The following MTMR3 variants were observed in gnomAD, a reference collection of about 807,000 sequenced individuals.
The protein encoded by MTMR3 is myotubularin related protein 3.
A neutral mutation model predicts 132.4 loss-of-function variants in MTMR3; 32 were observed. The observed-to-expected ratio is 0.24, with a 90% CI of 0.18 to 0.32. The LOEUF (loss-of-function observed/expected upper bound fraction) is 0.32. Ranked by LOEUF, MTMR3 falls within the 10% of genes least tolerant of loss-of-function variation. The probability of loss-of-function intolerance (pLI) is 1.00; values close to 1 mark genes in which losing one functional copy is unlikely to be tolerated. For synonymous variants in MTMR3, 556 were observed against 550.3 expected, an observed-to-expected ratio of 1.01 and a Z score of -0.14; for missense variants, 1,216 against 1,489.6, an observed-to-expected ratio of 0.82 and a Z score of 3.02.
intron 12 of MTMR3, chr22:30,010,022 G>A (rs552522952): frequency 6.6e-6 from 1 of 152,318 alleles, no homozygotes; most frequent in Non-Finnish European, 1.5e-5. Context: ...CACCGTAGTT[G>A]TCATCAGCCA....
intron 16 of MTMR3, chr22:30,018,310 C>T (rs2067652462): frequency 2.2e-6 from 1 of 449,422 alleles, no homozygotes; most frequent in Non-Finnish European, 3.9e-6. Context: ...CACTGAGCCG[C>T]TCCTCAGTGA....
At chr22:30,001,082 A>G (rs1254236867) in intron 8 of MTMR3, 1 of 152,140 alleles carries the variant, frequency 6.6e-6, no homozygotes, top group African/African-American at 2.4e-5. Context: ...GTGAGACCTC[A>G]TCTCTACAGA....
In MTMR3 at chr22:30,007,739, C is replaced by T. The variant is rs142184995; in HGVS notation, c.878-162C>T. 60 of 809,146 alleles carry T rather than the reference C, an allele frequency of 7.4e-5. No individual in the cohort carries two copies. The African/African-American group carries it at 1.0e-3, about 14-fold the overall frequency. The allele number at this position is 809,146 out of a possible 1,614,324, so 50.1% of individuals were successfully genotyped here. ...CTTCTCATCTTTCATAAGAAGGCCA[C>T]ATAGAAAAAAAGAGAAAAATCCTAT... On this transcript the variant is annotated intron_variant, in intron 10 of 19. Coordinates refer to ENST00000401950, the MANE Select transcript of MTMR3 (RefSeq NM_021090.4).
intron 19 of MTMR3, 107 bp downstream of exon 19, chr22:30,022,804 G>T (rs907601086): frequency 1.0e-6 from 1 of 991,762 alleles, no homozygotes; most frequent in African/African-American, 1.6e-5. Flanking sequence ...TCTGTCTGAG[G>T]CAGAGCCATG....
intron 1 of MTMR3, among the ~76,000 whole-genome samples, chr22:29,949,132 CA>C (rs2066012952): frequency 7.2e-5 from 3 of 41,870 alleles, no homozygotes; most frequent in African/African-American, 3.8e-4. Context: ...CACACACACA[CA>C]CACACACACA....
chr22:29,978,430 G>A lies in MTMR3; in HGVS notation c.4-12G>A, dbSNP rs2098740071. 1 of 1,601,820 alleles carries A rather than the reference G, an allele frequency of 6.2e-7. No individual in the cohort carries two copies. Among genetic ancestry groups the A allele is most frequent in the Non-Finnish European group, 8.5e-7 (1 of 1,171,856 alleles). ...AGCTTTGAAATTATTTTAAGGTTTT[G>A]GACTTTTCCAGGATGAAGAGACTCG... On this transcript the variant is annotated splice_polypyrimidine_tract_variant and intron_variant, in intron 3 of 19. Coordinates refer to ENST00000401950, the MANE Select transcript of MTMR3 (RefSeq NM_021090.4).
At chr22:29,946,580 A>G (rs2065958159) in intron 1 of MTMR3, among the ~76,000 whole-genome samples, 1 of 152,204 alleles carries the variant, frequency 6.6e-6, no homozygotes, top group Non-Finnish European at 1.5e-5. Flanking sequence ...AATCCGGAGG[A>G]AATGATTTTT....
intron 1 of MTMR3, among the ~76,000 whole-genome samples, chr22:29,956,454 C>T (rs1031887917): frequency 6.6e-6 from 1 of 152,012 alleles, no homozygotes; most frequent in African/African-American, 2.4e-5. Flanking sequence ...GCCATGTTCA[C>T]CAGGCTGGTC....
At chr22:29,888,768 CTTTTTTTTTTTT>C in intron 1 of MTMR3, among the ~76,000 whole-genome samples, 1 of 101,882 alleles carries the variant, frequency 9.8e-6, no homozygotes, top group African/African-American at 3.7e-5. Context: ...TTAGTTAATA[CTTTTTTTTTTTT>C]TTTTTTTTTT....
intron 1 of MTMR3, among the ~76,000 whole-genome samples, chr22:29,947,491 G>T (rs2065975227): frequency 6.9e-6 from 1 of 143,946 alleles, no homozygotes; most frequent in Non-Finnish European, 1.5e-5. Flanking sequence ...AATTTAGCCA[G>T]TATGCTAAAT....
chr22:29,955,803 G>C (rs2066177716), intron 1 of MTMR3, among the ~76,000 whole-genome samples: 1 of 152,036 alleles, frequency 6.6e-6, no homozygotes, highest in African/African-American at 2.4e-5. Context: ...CAAGGCTGGA[G>C]CGCAGTGGCG....
At chr22:29,927,073 A>G (rs2065531552) in intron 1 of MTMR3, among the ~76,000 whole-genome samples, 1 of 152,172 alleles carries the variant, frequency 6.6e-6, no homozygotes, top group South Asian at 2.1e-4. Flanking sequence ...TTGTCCCACC[A>G]CCGTTTGTTG....
Position 29,919,199 on chromosome 22 carries a change from G to C in MTMR3, c.-138+35840G>C, listed in dbSNP as rs56822704. On this transcript the variant is annotated intron_variant, in intron 1 of 19. Coordinates refer to ENST00000401950, the MANE Select transcript of MTMR3 (RefSeq NM_021090.4). ...TAAGTTACCTCGTTTTTTGCTTCTT[G>C]TTCTTCCTTTTTTCTGGGGGAAAAA... 3.2e-3 allele frequency among the ~76,000 whole-genome samples: 493 copies of C among 152,010 alleles called. 1 individual carries two copies. Among genetic ancestry groups the C allele is most frequent in the Non-Finnish European group, 5.9e-3 (402 of 67,928 alleles).
intron 5 of MTMR3, chr22:29,982,922 C>T (rs2066777996): frequency 7.0e-6 from 1 of 142,080 alleles, no homozygotes. Flanking sequence ...AATTCATGAA[C>T]GTTTAAAAGT....
At chr22:29,988,223 C>G (rs2066895068) in intron 5 of MTMR3, 1 of 270,610 alleles carries the variant, frequency 3.7e-6, no homozygotes. Context: ...ATATTCTCCC[C>G]TTCTTCCAAA....
intron 1 of MTMR3, among the ~76,000 whole-genome samples, chr22:29,888,595 T>A (rs1184039532): frequency 6.6e-6 from 1 of 152,142 alleles, no homozygotes; most frequent in Admixed American, 6.6e-5. Flanking sequence ...TGTAATAATA[T>A]TCTTAAGTAC....
chr22:29,972,656 C>G (rs2066558203), intron 3 of MTMR3, among the ~76,000 whole-genome samples: 1 of 152,180 alleles, frequency 6.6e-6, no homozygotes, highest in Non-Finnish European at 1.5e-5. Flanking sequence ...CTGCAACCTC[C>G]ACCTACTGGG....
chr22:29,900,402 C>A (rs544601612), intron 1 of MTMR3, among the ~76,000 whole-genome samples: 1 of 152,106 alleles, frequency 6.6e-6, no homozygotes, highest in East Asian at 1.9e-4. Flanking sequence ...ATATAGAGTA[C>A]TGTTGCTAAA....
chr22:29,889,220 G>A (rs1260582642), intron 1 of MTMR3, among the ~76,000 whole-genome samples: 3 of 147,762 alleles, frequency 2.0e-5, no homozygotes, highest in East Asian at 4.0e-4. Context: ...ATAATTTGGA[G>A]TTTTAACTTA....
Sources: gnomAD v4.1 joint callset for allele counts (sites outside exome capture counted in the v4.1 genomes callset) on GRCh38, gnomAD v4.1.1 for gene constraint, MANE v1.5 for transcripts, NCBI Gene and HGNC (gene_info 2026-07-23, HGNC 2026-07-21) for gene names.